The following CD81 variants were observed in gnomAD, a reference collection of about 807,000 sequenced individuals.
CD81 encodes CD81 antigen.
CD81 carries 10 observed loss-of-function variants against 30.1 expected under a neutral mutation model. The observed-to-expected ratio is 0.33, with a 90% confidence interval of 0.21 to 0.56. The LOEUF is 0.56. Among genes scored for constraint, CD81 ranks in the 20% least tolerant of loss-of-function variants. The probability of loss-of-function intolerance (pLI) is 0.89; values close to 1 mark genes in which losing one functional copy is unlikely to be tolerated. For missense variants in CD81, 263 were observed against 308.7 expected, an observed-to-expected ratio of 0.85 and a Z score of 1.11; for synonymous variants, 147 against 126.4, an observed-to-expected ratio of 1.16 and a Z score of -1.10.
chr11:2,389,475 G>C (rs563295563), intron 1 of CD81, among the ~76,000 whole-genome samples: 1 of 152,244 alleles, frequency 6.6e-6, no homozygotes, highest in East Asian at 1.9e-4. Flanking sequence ...CAGATGATCA[G>C]AGTGGGCTGG....
At chr11:2,390,584 C>A in intron 2 of CD81, 58 bp downstream of exon 2, 2 of 1,271,678 alleles carry the variant, frequency 1.6e-6, no homozygotes, top group Non-Finnish European at 2.3e-6. Context: ...GGAGGCAGGT[C>A]CTAGCCTTTT....
rs777192545 is a variant in CD81, at chr11:2,394,002, G to T, written c.182-93G>T. ...AGCAACCCTACATCTTCCCAGCTGG[G>T]CGGCCCGTGGTGGGTTCGGCACCCA... On this transcript the variant is annotated intron_variant, in intron 2 of 7. Coordinates refer to ENST00000263645, the MANE Select transcript of CD81 (RefSeq NM_004356.4). 2.2e-4 allele frequency: 195 copies of T among 900,744 alleles called. 1 individual carries two copies. Among genetic ancestry groups the T allele is most frequent in the Non-Finnish European group, 3.3e-4 (175 of 534,554 alleles). 55.8% of individuals were successfully genotyped at this position (900,744 alleles called of 1,614,324 possible).
chr11:2,395,637 AC>A (rs1204680464), intron 5 of CD81, 117 bp downstream of exon 5: 1 of 847,324 alleles, frequency 1.2e-6, no homozygotes, highest in East Asian at 2.6e-5. Context: ...TGCCCTTGGG[AC>A]CTCCAGGACC....
At chr11:2,385,504 C>T (rs1397256582) in intron 1 of CD81, among the ~76,000 whole-genome samples, 2 of 146,624 alleles carry the variant, frequency 1.4e-5, no homozygotes, top group East Asian at 2.0e-4. Flanking sequence ...GTGGCCTGCC[C>T]GTCGTCTATG....
chr11:2,395,136 T>A, intron 4 of CD81, 90 bp downstream of exon 4: 1 of 1,085,166 alleles, frequency 9.2e-7, no homozygotes, highest in South Asian at 1.3e-5. Flanking sequence ...GACTCATGGC[T>A]TGTGGGAGCT....
Position 2,377,691 on chromosome 11 carries a change from G to A in CD81, c.66+76G>A. The A allele has an allele frequency of 2.0e-6, 2 of 987,952 alleles. No homozygotes were observed. Among genetic ancestry groups the A allele is most frequent in the Admixed American group, 3.1e-5 (1 of 32,694 alleles). The allele number at this position is 987,952 out of a possible 1,614,324, so 61.2% of individuals were successfully genotyped here. A position where few individuals can be genotyped will look rare whatever the true frequency, so the allele number is the denominator to read the frequency against. Reference sequence around the variant, plus strand: ...CGTTGGGCAGGTCCCGCGGCAGCGTGCTAGGCCCCGCGGGCGCAGCGCGGG... The same window carrying A: ...CGTTGGGCAGGTCCCGCGGCAGCGTACTAGGCCCCGCGGGCGCAGCGCGGG... On this transcript the variant is annotated intron_variant, in intron 1 of 7. Coordinates refer to ENST00000263645, the MANE Select transcript of CD81 (RefSeq NM_004356.4). The surrounding 1 kb of genome is among the most constrained non-coding windows in gnomAD (Gnocchi z 7.7).
rs1247855814 is a variant in CD81 at position 2,380,709 on chromosome 11, G to GGA, written c.66+3098_66+3099dup. 2.0e-5 allele frequency among the ~76,000 whole-genome samples: 3 copies of GGA among 152,182 alleles called. No individual in the cohort carries two copies. The East Asian group carries it at 5.8e-4, about 29-fold the overall frequency. On this transcript the variant is annotated intron_variant, in intron 1 of 7. Transcript: ENST00000263645. The stretch of plus-strand genomic sequence containing the variant: ...CCCACCTGCTGCCAGGAGCAGGGCA[G>GGA]GAGAGTTTGTGTCCCGGGACAGGGA...
At chr11:2,386,487 G>T (rs1238372320) in intron 1 of CD81, 6 of 709,454 alleles carry the variant, frequency 8.5e-6, no homozygotes, top group Non-Finnish European at 1.3e-5. Context: ...GCCCTAGGGG[G>T]GTCCCTCCGC....
At chr11:2,386,141 C>T (rs1323726149) in intron 1 of CD81, 1 of 717,380 alleles carries the variant, frequency 1.4e-6, no homozygotes, top group Non-Finnish European at 2.6e-6. Flanking sequence ...ACCTGGGTTT[C>T]CTGGTCCCTG....
chr11:2,379,191 C>CCCGT (rs1849657214), intron 1 of CD81: 2 of 453,208 alleles, frequency 4.4e-6, no homozygotes, highest in Non-Finnish European at 8.9e-6. Context: ...CCCCTGAAGC[C>CCCGT]CCGTCCCCTG....
chr11:2,380,870 T>C (rs1849693400), intron 1 of CD81, among the ~76,000 whole-genome samples: 1 of 152,236 alleles, frequency 6.6e-6, no homozygotes. Flanking sequence ...CGCCTGGGAC[T>C]GGCTGCTCCC....
intron 3 of CD81, among the ~76,000 whole-genome samples, chr11:2,394,647 C>A (rs940213734): frequency 6.6e-6 from 1 of 152,174 alleles, no homozygotes; most frequent in African/African-American, 2.4e-5. Context: ...AGGGGTCATG[C>A]TGCTGCACAC....
At position 2,396,982 on chromosome 11, in the gene CD81, G is replaced by A. The variant is rs1804493; in HGVS notation, c.*116G>A. 1.8e-3 allele frequency: 1,765 copies of A among 984,380 alleles called. 38 individuals carry two copies. In the East Asian group the frequency reaches 0.041, roughly 23 times the overall value. The allele number at this position is 984,380 out of a possible 1,614,324, so 61.0% of individuals were successfully genotyped here. The stretch of plus-strand genomic sequence containing the variant: ...CGTTTCCGGTATTACTCTGCTACAC[G>A]TAGCCTTTTTACTTTTGGGGTTTTG... On this transcript the variant is annotated 3_prime_UTR_variant, in exon 8 of 8. Coordinates refer to ENST00000263645, the MANE Select transcript of CD81 (RefSeq NM_004356.4).
Position 2,377,619 on chromosome 11 carries a change from A to G in CD81, c.66+4A>G. The stretch of plus-strand genomic sequence containing the variant: ...CGTCTTCAATTTCGTCTTCTGGGTA[A>G]GGGCTGCGCCGGGGGCCGGGGCGGG... On this transcript the variant is annotated splice_donor_region_variant and intron_variant, in intron 1 of 7. Coordinates refer to ENST00000263645, the MANE Select transcript of CD81 (RefSeq NM_004356.4). This position sits in a 1 kb window ranked among gnomAD's most constrained non-coding sequence, Gnocchi z 7.7. 3 of 1,529,022 alleles carry G rather than the reference A, an allele frequency of 2.0e-6. No individual in the cohort carries two copies. The highest frequency in any genetic ancestry group is 2.7e-6 in the Non-Finnish European group (3 of 1,131,622). The allele number at this position is 1,529,022 out of a possible 1,614,324, so 94.7% of individuals were successfully genotyped here. A position where few individuals can be genotyped will look rare whatever the true frequency, so the allele number is the denominator to read the frequency against.
At chr11:2,387,373 C>T (rs374862686) in intron 1 of CD81, among the ~76,000 whole-genome samples, 35 of 152,308 alleles carry the variant, frequency 2.3e-4, no homozygotes, top group African/African-American at 8.2e-4. Context: ...TCAAAACGGT[C>T]TCTGGACCAC....
rs577700776 is a variant in CD81, at chr11:2,384,889, G to A, written c.67-5523G>A. On this transcript the variant is annotated intron_variant, in intron 1 of 7. Coordinates refer to ENST00000263645, the MANE Select transcript of CD81 (RefSeq NM_004356.4). ...GAGAAGCTGAGATGGGCCTGAGGTC[G>A]CCTTGGTGAAAGGCACTCAGCAGCC... Among the ~76,000 whole-genome samples the A allele has an allele frequency of 2.6e-5, 4 of 152,252 alleles. No homozygotes were observed. In the South Asian group the frequency reaches 6.2e-4, roughly 24 times the overall value.
chr11:2,396,029 T>C (rs1849994557), intron 6 of CD81, 59 bp downstream of exon 6: 2 of 1,127,656 alleles, frequency 1.8e-6, no homozygotes, highest in Admixed American at 3.5e-5. Context: ...CTGGGTGGGG[T>C]CCTAGGGGTG....
intron 6 of CD81, chr11:2,396,396 A>T: frequency 1.7e-6 from 1 of 605,518 alleles, no homozygotes; most frequent in South Asian, 1.9e-5. Flanking sequence ...TCAGTGGAAA[A>T]GGGCACAGTG....
chr11:2,392,589 G>C (rs1173762350), intron 2 of CD81: 1 of 152,376 alleles, frequency 6.6e-6, no homozygotes, highest in Non-Finnish European at 1.5e-5. Flanking sequence ...GCTCTGCCTG[G>C]GCCCCCACTG....
Sources: allele counts gnomAD v4.1 joint callset (sites outside exome capture counted in the v4.1 genomes callset), GRCh38; gene constraint gnomAD v4.1.1; non-coding constraint Gnocchi (gnomAD v3.1); transcripts MANE v1.5; gene names NCBI Gene and HGNC (gene_info 2026-07-23, HGNC 2026-07-21).